The following HTR1F variants were observed in gnomAD, a reference collection of about 807,000 sequenced individuals.
HTR1F encodes 5-hydroxytryptamine receptor 1F, also known as 5-hydroxytryptamine (serotonin) receptor 1F, G protein-coupled.
Under a neutral mutation model 24.0 loss-of-function variants are expected in HTR1F, and 17 were observed. That is an observed-to-expected ratio of 0.71 (90% CI 0.48 to 1.06). HTR1F has a LOEUF of 1.06. Ranked by LOEUF, HTR1F falls within the 50% of genes least tolerant of loss-of-function variation. HTR1F has a pLI of 0.00. For synonymous variants in HTR1F, 186 were observed against 156.8 expected (o/e 1.19, Z -1.39); for missense variants, 391 against 427.8 (o/e 0.91, Z 0.76).
intron 2 of HTR1F, among the ~76,000 whole-genome samples, chr3:87,909,419 TC>T (rs1324250080): frequency 6.6e-6 from 1 of 151,986 alleles, no homozygotes; most frequent in Non-Finnish European, 1.5e-5. Flanking sequence ...AAAAGTCAAC[TC>T]GTTACGTGCT....
intron 2 of HTR1F, among the ~76,000 whole-genome samples, chr3:87,836,212 C>T (rs1294287036): frequency 1.3e-5 from 2 of 152,158 alleles, no homozygotes; most frequent in African/African-American, 4.8e-5. Context: ...AAAGACAATA[C>T]TTCTATTCTG....
At chr3:87,931,833 G>A (rs907468183) in intron 2 of HTR1F, among the ~76,000 whole-genome samples, 1 of 149,618 alleles carries the variant, frequency 6.7e-6, no homozygotes, top group South Asian at 2.1e-4. Flanking sequence ...TCTTTTGGCT[G>A]CATAAATGTC....
chr3:87,866,127 A>G (rs1048918998), intron 2 of HTR1F, among the ~76,000 whole-genome samples: 1 of 152,242 alleles, frequency 6.6e-6, no homozygotes, highest in Non-Finnish European at 1.5e-5. Flanking sequence ...AATGAAAAAC[A>G]TTTTGTAAAA....
rs572810994 is a variant in HTR1F, at chr3:87,899,700, T to A, written c.-43+77576T>A. On this transcript the variant is annotated intron_variant, in intron 2 of 2. Coordinates refer to ENST00000319595, the MANE Select transcript of HTR1F (RefSeq NM_001322209.2). ...CAACATAGTGAAACCCCGTCCGTAC[T>A]AAAAATACAAAAAATTTAGACAGGC... is the stretch of plus-strand genomic sequence containing the variant. Among the ~76,000 whole-genome samples, 3 of 152,160 alleles carry A rather than the reference T, an allele frequency of 2.0e-5. No homozygotes were observed. The South Asian group carries it at 6.2e-4, about 32-fold the overall frequency.
intron 2 of HTR1F, among the ~76,000 whole-genome samples, chr3:87,863,156 T>C (rs1371314032): frequency 6.6e-6 from 1 of 152,152 alleles, no homozygotes; most frequent in Non-Finnish European, 1.5e-5. Context: ...TATGAATGAA[T>C]TTTATGACCT....
At chr3:87,830,418 A>T (rs1320839305) in intron 2 of HTR1F, among the ~76,000 whole-genome samples, 1 of 152,292 alleles carries the variant, frequency 6.6e-6, no homozygotes, top group Middle Eastern at 3.4e-3. Flanking sequence ...CAGCATATGC[A>T]CACTGATATA....
intron 2 of HTR1F, among the ~76,000 whole-genome samples, chr3:87,871,220 A>T (rs1403656986): frequency 6.6e-6 from 1 of 152,042 alleles, no homozygotes. Context: ...AAACTATTAA[A>T]AAGAACCAGA....
At chr3:87,849,265 G>C (rs1405371868) in intron 2 of HTR1F, among the ~76,000 whole-genome samples, 5 of 151,732 alleles carry the variant, frequency 3.3e-5, no homozygotes, top group Non-Finnish European at 4.4e-5. Context: ...CAGAGATATA[G>C]ATCAATGCAA....
At chr3:87,864,330 A>G (rs1272179752) in intron 2 of HTR1F, among the ~76,000 whole-genome samples, 1 of 152,166 alleles carries the variant, frequency 6.6e-6, no homozygotes, top group African/African-American at 2.4e-5. Context: ...CCCAAATCTC[A>G]GTTCACTCCT....
At chr3:87,811,863 G>A (rs1394511017) in intron 1 of HTR1F, among the ~76,000 whole-genome samples, 1 of 152,164 alleles carries the variant, frequency 6.6e-6, no homozygotes, top group African/African-American at 2.4e-5. Flanking sequence ...GAGAGAGGGA[G>A]GTGTTTGGAT....
At chr3:87,864,404 A>T (rs899973496) in intron 2 of HTR1F, among the ~76,000 whole-genome samples, 10 of 152,144 alleles carry the variant, frequency 6.6e-5, no homozygotes, top group Non-Finnish European at 1.5e-4. Context: ...CAGCCAGAAA[A>T]CTGTTAGAAT....
chr3:87,921,786 G>T, intron 2 of HTR1F, among the ~76,000 whole-genome samples: 1 of 151,720 alleles, frequency 6.6e-6, no homozygotes, highest in Non-Finnish European at 1.5e-5. Context: ...TGAACAACTT[G>T]TTTACCATAG....
chr3:87,965,047 C>T (rs1705135387), intron 2 of HTR1F, among the ~76,000 whole-genome samples: 1 of 152,174 alleles, frequency 6.6e-6, no homozygotes, highest in South Asian at 2.1e-4. Flanking sequence ...GAGGTCTCAG[C>T]CATGTGGAAC....
chr3:87,916,794 T>G (rs866878119), intron 2 of HTR1F, among the ~76,000 whole-genome samples: 51 of 152,060 alleles, frequency 3.4e-4, no homozygotes, highest in African/African-American at 1.2e-3. Flanking sequence ...CTGACAGCAC[T>G]AGACAGGTCA....
chr3:87,911,898 G>A (rs1703785879), intron 2 of HTR1F, among the ~76,000 whole-genome samples: 1 of 151,902 alleles, frequency 6.6e-6, no homozygotes, highest in Non-Finnish European at 1.5e-5. Context: ...CAATAAACTG[G>A]GTATCGAAGA....
chr3:87,821,554 T>C (rs555039433), intron 1 of HTR1F, among the ~76,000 whole-genome samples: 7 of 152,096 alleles, frequency 4.6e-5, no homozygotes. Context: ...ATCCCTCAAA[T>C]CCCAAAATAT....
chr3:87,982,705 C>A (rs1705572864), intron 2 of HTR1F, among the ~76,000 whole-genome samples: 1 of 152,076 alleles, frequency 6.6e-6, no homozygotes, highest in South Asian at 2.1e-4. Flanking sequence ...AATTTCTAAC[C>A]CTCAGAGGAG....
At chr3:87,805,646 T>A (rs1258041113) in intron 1 of HTR1F, among the ~76,000 whole-genome samples, 1 of 152,068 alleles carries the variant, frequency 6.6e-6, no homozygotes, top group Non-Finnish European at 1.5e-5. Flanking sequence ...ACATTTCAAA[T>A]TCTTCTAACT....
At position 87,937,578 on chromosome 3, in the gene HTR1F, C is replaced by G. The variant is rs549667980; in HGVS notation, c.-42-53130C>G. Among the ~76,000 whole-genome samples, 6 of 152,284 alleles carry G rather than the reference C, an allele frequency of 3.9e-5. No individual in the cohort carries two copies. The South Asian group carries it at 1.2e-3, about 32-fold the overall frequency. On this transcript the variant is annotated intron_variant, in intron 2 of 2. Transcript: ENST00000319595. ...CACAAGACAAAGATGACCTCTCTCA[C>G]CACTGCTATTCAACATAGTACTGGA...
Sources: gnomAD v4.1 joint callset for allele counts (sites outside exome capture counted in the v4.1 genomes callset) on GRCh38, gnomAD v4.1.1 for gene constraint, MANE v1.5 for transcripts, NCBI Gene and HGNC (gene_info 2026-07-23, HGNC 2026-07-21) for gene names.